Variants in PCCB observed in about 807,000 individuals in gnomAD.
PCCB encodes the protein propionyl-CoA carboxylase beta chain, mitochondrial.
In PCCB, 43 loss-of-function variants were observed where a neutral mutation model predicts 60.7. The ratio of observed to expected loss-of-function variants is 0.71; its 90% CI spans 0.55 to 0.91. The LOEUF (loss-of-function observed/expected upper bound fraction) is 0.91, where lower values mean the gene tolerates loss of function less well. PCCB is among the 40% of genes least tolerant of loss of function. PCCB has a pLI of 0.00. For synonymous variants in PCCB, 276 were observed against 255.9 expected, an observed-to-expected ratio of 1.08 and a Z score of -0.75; for missense variants, 766 against 702.8, an observed-to-expected ratio of 1.09 and a Z score of -1.02.
intron 9 of PCCB, among the ~76,000 whole-genome samples, chr3:136,308,709 T>TA (rs1934541001): frequency 6.6e-6 from 1 of 152,144 alleles, no homozygotes; most frequent in Non-Finnish European, 1.5e-5. Flanking sequence ...AAAACATCAT[T>TA]AAATCCCATA....
intron 5 of PCCB, among the ~76,000 whole-genome samples, chr3:136,279,477 G>T (rs1247836751): frequency 6.6e-6 from 1 of 151,994 alleles, no homozygotes; most frequent in Non-Finnish European, 1.5e-5. Context: ...TTACCTTGGG[G>T]ATTATAATTA....
In PCCB at chr3:136,297,962, C is replaced by G. The variant is rs141615209; in HGVS notation, c.774C>G (p.His258Gln). 485 of 1,614,144 alleles carry G rather than the reference C, an allele frequency of 3.0e-4. 1 individual carries two copies. In the African/African-American group the frequency reaches 4.8e-3, roughly 16 times the overall value. Reference sequence around the variant, plus strand: ...TCCCTGTTCTCTTAGGTGTGGCCCACAGAGCTTTTGAAAATGATGTTGATG... The same window carrying G: ...TCCCTGTTCTCTTAGGTGTGGCCCAGAGAGCTTTTGAAAATGATGTTGATG... ...KTHTTMSGVAHRAFENDVDAL... is the reference protein window; with the variant it reads ...KTHTTMSGVAQRAFENDVDAL... The change falls in exon 8 of 15, where the codon CAC (histidine) becomes CAG (glutamine). Residue 258 changes from histidine (H) to glutamine (Q), a missense_variant. His to Gln is a conservative substitution (Grantham distance 24). Transcript: ENST00000251654.
intron 5 of PCCB, among the ~76,000 whole-genome samples, chr3:136,264,411 G>A (rs1479120753): frequency 7.8e-6 from 1 of 129,008 alleles, no homozygotes; most frequent in African/African-American, 3.2e-5. Context: ...CGCTCTTTCT[G>A]TCTCTGTCTC....
intron 5 of PCCB, 47 bp from the exon 6 acceptor site, chr3:136,283,790 C>T: frequency 7.7e-7 from 1 of 1,301,672 alleles, no homozygotes; most frequent in Non-Finnish European, 1.1e-6. Context: ...CAGATAATGC[C>T]TCAAACATCT....
In PCCB at chr3:136,304,769, G is replaced by A. The variant is rs1934402237; in HGVS notation, c.966+3658G>A. Among the ~76,000 whole-genome samples the A allele has an allele frequency of 1.7e-5, 2 of 119,942 alleles. 1 individual carries two copies. The highest frequency in any genetic ancestry group is 5.1e-5 in the African/African-American group (2 of 39,492). 78.7% of individuals were successfully genotyped at this position (119,942 alleles called of 152,430 possible). On this transcript the variant is annotated intron_variant, in intron 9 of 14. Transcript: ENST00000251654. ...TGCAGTGGCACAATCTCAGCTTAGTGCAACCTCTGCCTCCCGGGTTCAAGT... is the reference window on the plus strand; with the variant it reads ...TGCAGTGGCACAATCTCAGCTTAGTACAACCTCTGCCTCCCGGGTTCAAGT...
chr3:136,317,064 G>C lies in PCCB; in HGVS notation c.1090G>C (p.Gly364Arg), dbSNP rs773969417. ...TGGCAACCAACCTAAGGTGGCCTCA[G>C]GTAGGATGGAGCTCTTATAAGCCTT... ...IVGNQPKVAS[G>R]CLDINSSVKG... The change falls in exon 10 of 15, where the codon GGA (glycine) becomes CGA (arginine). Residue 364 changes from glycine to arginine, a missense_variant and splice_region_variant. Gly to Arg is a moderately radical substitution (Grantham distance 125). Coordinates refer to ENST00000251654, the MANE Select transcript of PCCB (RefSeq NM_000532.5). 2 of 1,614,090 alleles carry C rather than the reference G, an allele frequency of 1.2e-6. No homozygotes were observed. Among genetic ancestry groups the C allele is most frequent in the Non-Finnish European group, 1.7e-6 (2 of 1,180,016 alleles).
intron 5 of PCCB, among the ~76,000 whole-genome samples, chr3:136,276,523 C>T (rs567956560): frequency 7.8e-4 from 119 of 152,094 alleles, no homozygotes; most frequent in African/African-American, 2.4e-3. Flanking sequence ...GTTGTTGTTC[C>T]ACACAGAGAG....
intron 5 of PCCB, among the ~76,000 whole-genome samples, chr3:136,265,553 A>G (rs1035193765): frequency 6.6e-6 from 1 of 152,120 alleles, no homozygotes; most frequent in African/African-American, 2.4e-5. Context: ...CAGTTGAAGG[A>G]TATTTGGATT....
chr3:136,257,424 G>T (rs1941701854), intron 3 of PCCB, among the ~76,000 whole-genome samples: 1 of 152,190 alleles, frequency 6.6e-6, no homozygotes, highest in Non-Finnish European at 1.5e-5. Flanking sequence ...CTTAATTTTA[G>T]CCCAGTCAAT....
rs1274295973 is a variant in PCCB at position 136,318,502 on chromosome 3, C to G, written c.1090+1438C>G. Among the ~76,000 whole-genome samples the G allele has an allele frequency of 3.3e-5, 5 of 152,318 alleles. No individual in the cohort carries two copies. The East Asian group carries it at 5.8e-4, about 18-fold the overall frequency. The stretch of plus-strand genomic sequence containing the variant: ...GTGTATGCAACCATCACCACTGTTT[C>G]CAAACATTTTCATCTCCTCAGAGAC... On this transcript the variant is annotated intron_variant, in intron 10 of 14. Coordinates refer to ENST00000251654, the MANE Select transcript of PCCB (RefSeq NM_000532.5).
intron 5 of PCCB, among the ~76,000 whole-genome samples, chr3:136,272,824 A>G (rs1942235321): frequency 6.6e-6 from 1 of 151,866 alleles, no homozygotes. Flanking sequence ...AATTTCCTTT[A>G]GTTCTGCTCT....
chr3:136,298,109 A>C (rs1934019830), intron 8 of PCCB, 37 bp downstream of exon 8: 1 of 1,613,574 alleles, frequency 6.2e-7, no homozygotes, highest in South Asian at 1.1e-5. Context: ...CTCATTTTGC[A>C]GTGTAGCTTG....
chr3:136,268,136 A>ATATATATATATATC (rs1553775786), intron 5 of PCCB, among the ~76,000 whole-genome samples: 2 of 128,590 alleles, frequency 1.6e-5, no homozygotes, highest in Non-Finnish European at 3.2e-5. Context: ...ATATATATAT[A>ATATATATATATATC]TATATCTACA....
intron 7 of PCCB, among the ~76,000 whole-genome samples, chr3:136,296,715 AAG>A (rs1933957409): frequency 6.6e-6 from 1 of 152,260 alleles, no homozygotes; most frequent in African/African-American, 2.4e-5. Flanking sequence ...TTTTGAATGA[AAG>A]AATTCTGTCA....
At chr3:136,320,775 G>C (rs1190886336) in intron 10 of PCCB, among the ~76,000 whole-genome samples, 2 of 152,312 alleles carry the variant, frequency 1.3e-5, no homozygotes, top group Non-Finnish European at 2.9e-5. Context: ...TCTGCAAATA[G>C]AGATAGTTTT....
chr3:136,294,328 T>C (rs974295304), intron 7 of PCCB, among the ~76,000 whole-genome samples: 2 of 152,180 alleles, frequency 1.3e-5, no homozygotes, highest in African/African-American at 4.8e-5. Context: ...TTCTTTTTTT[T>C]TGAGACAGGA....
At position 136,298,058 on chromosome 3, in the gene PCCB, G is replaced by A; in HGVS notation, c.870G>A (p.Glu290=). Residue 290 remains glutamate (E), a synonymous_variant, in exon 8 of 15, where the codon GAG becomes GAA. Transcript: ENST00000251654. ...GTCAGGACCCGGCTCCCGTCCGTGA[G>A]TGCCACGATCCCAGGTGGGTTGTAG... ...LSSQDPAPVR[E]CHDPSDRLVP... is the part of the protein sequence containing the mutation. The A allele has an allele frequency of 6.2e-7, 1 of 1,614,184 alleles. No individual in the cohort carries two copies. Among genetic ancestry groups the A allele is most frequent in the Non-Finnish European group, 8.5e-7 (1 of 1,180,006 alleles).
At chr3:136,264,448 G>GTGTATATATATATATATATATATATATA (rs1015530159) in intron 5 of PCCB, among the ~76,000 whole-genome samples, 2 of 107,224 alleles carry the variant, frequency 1.9e-5, no homozygotes, top group African/African-American at 6.0e-5. Context: ...GTGTATATAT[G>GTGTATATATATATATATATATATATATA]TATATATATA....
intron 10 of PCCB, among the ~76,000 whole-genome samples, 177 bp downstream of exon 10, chr3:136,317,241 T>TTTTTTA: frequency 7.5e-6 from 1 of 132,766 alleles, no homozygotes. Context: ...TTTTTTTTTT[T>TTTTTTA]TAGACAGGGT....
Sources: gnomAD v4.1 joint callset for allele counts (sites outside exome capture counted in the v4.1 genomes callset) on GRCh38, gnomAD v4.1.1 for gene constraint, MANE v1.5 for transcripts, NCBI Gene and HGNC (gene_info 2026-07-23, HGNC 2026-07-21) for gene names.